The following RHBDF2 variants were observed in gnomAD, a reference collection of about 807,000 sequenced individuals.
RHBDF2 encodes the protein inactive rhomboid protein 2.
RHBDF2 carries 38 observed loss-of-function variants against 95.2 expected under a neutral mutation model. That is an observed-to-expected ratio of 0.40 (90% CI 0.31 to 0.52). The LOEUF (loss-of-function observed/expected upper bound fraction) is 0.52. Ranked by LOEUF, RHBDF2 falls within the 20% of genes least tolerant of loss-of-function variation. RHBDF2 has a pLI of 0.56. For synonymous variants in RHBDF2, 442 were observed against 462.0 expected, an observed-to-expected ratio of 0.96 and a Z score of 0.55; for missense variants, 863 against 1,137.7, an observed-to-expected ratio of 0.76 and a Z score of 3.47.
rs763823463 is a variant in RHBDF2, at chr17:76,498,823, T to TGTGTGTGTGTGTGA, written c.-220+2529_-220+2530insTCACACACACACAC. ...GTGTGTGTGTGTGTGTGTGTGTGTGTGAGTCTGTGTGTGTCTGTGTGTTTG... is the reference window on the plus strand; with the variant it reads ...GTGTGTGTGTGTGTGTGTGTGTGTGTGTGTGTGTGTGTGAGAGTCTGTGTGTGTCTGTGTGTTTG... On this transcript the variant is annotated intron_variant, in intron 1 of 18. Transcript: ENST00000675367. Among the ~76,000 whole-genome samples the TGTGTGTGTGTGTGA allele has an allele frequency of 1.4e-4, 20 of 141,212 alleles. No homozygotes were observed. The East Asian group carries it at 1.5e-3, about 11-fold the overall frequency. 92.6% of individuals were successfully genotyped at this position (141,212 alleles called of 152,430 possible). A position where few individuals can be genotyped will look rare whatever the true frequency, so the allele number is the denominator to read the frequency against.
chr17:76,477,686 C>T lies in RHBDF2; in HGVS notation c.772G>A (p.Asp258Asn). 6.2e-7 allele frequency: 1 copy of T among 1,614,150 alleles called. No homozygotes were observed. The highest frequency in any genetic ancestry group is 8.5e-7 in the Non-Finnish European group (1 of 1,180,018). The change falls in exon 7 of 19, where the codon GAC becomes AAC. Residue 258 changes from aspartate to asparagine, a missense_variant. Asp to Asn is a conservative substitution (Grantham distance 23). This residue lies in a region of RHBDF2 where 611 missense variants were observed against 725.5 expected (regional missense o/e 0.84). Coordinates refer to ENST00000675367, the MANE Select transcript of RHBDF2 (RefSeq NM_001005498.4). ...FLEEDVVDGA[D>N]TFDSSFFSKE... ...CTAAAAAAGGAGGAGTCAAACGTGT[C>T]TGCCCCATCGACCACATCCTCCTCC...
At chr17:76,484,670 C>T (rs1323683430) in intron 2 of RHBDF2, among the ~76,000 whole-genome samples, 1 of 152,148 alleles carries the variant, frequency 6.6e-6, no homozygotes, top group African/African-American at 2.4e-5. Flanking sequence ...AACTCTCTCC[C>T]AGGATTTCCT....
intron 18 of RHBDF2, 32 bp from the exon 19 acceptor site, chr17:76,472,084 G>T: frequency 6.6e-7 from 1 of 1,525,608 alleles, no homozygotes; most frequent in Non-Finnish European, 8.8e-7. Context: ...GTGGCTTCAG[G>T]CATCAGGTGG....
At chr17:76,498,763 C>T (rs903485425) in intron 1 of RHBDF2, among the ~76,000 whole-genome samples, 1 of 149,828 alleles carries the variant, frequency 6.7e-6, no homozygotes, top group Non-Finnish European at 1.5e-5. Context: ...GAACAAAAGT[C>T]CCCCTCCTGG....
chr17:76,500,681 G>A (rs1345583885), intron 1 of RHBDF2, among the ~76,000 whole-genome samples: 3 of 152,176 alleles, frequency 2.0e-5, no homozygotes, highest in Non-Finnish European at 4.4e-5. Flanking sequence ...GGAGTGGGGC[G>A]GGGTCTGTAC....
At chr17:76,482,002 C>CA (rs1490339576) in intron 2 of RHBDF2, 1 of 40,222 alleles carries the variant, frequency 2.5e-5, no homozygotes, top group African/African-American at 7.1e-5. Context: ...CACACACACA[C>CA]AAAACCAAAA....
intron 1 of RHBDF2, among the ~76,000 whole-genome samples, chr17:76,493,609 G>A (rs1242011771): frequency 6.6e-6 from 1 of 152,156 alleles, no homozygotes; most frequent in East Asian, 1.9e-4. Context: ...GGGGAGAGGG[G>A]GCTGGGGACT....
Position 76,473,813 on chromosome 17 carries a change from G to A in RHBDF2, c.1638+26C>T, listed in dbSNP as rs776042777. ...AGGTCCCCCATCCCTGACCTTCCCA[G>A]ACCACTCCCCGCCAGGGACACTCAC... On this transcript the variant is annotated intron_variant, in intron 14 of 18. Transcript: ENST00000675367. 32 of 1,613,726 alleles carry A rather than the reference G, an allele frequency of 2.0e-5. 1 individual carries two copies. The South Asian group carries it at 3.5e-4, about 18-fold the overall frequency.
chr17:76,473,453 C>T (rs1423136527), intron 15 of RHBDF2, 126 bp from the exon 16 acceptor site: 3 of 1,011,736 alleles, frequency 3.0e-6, no homozygotes, highest in East Asian at 2.6e-5. Context: ...GCATCCAGAA[C>T]CTTCGACTCT....
intron 1 of RHBDF2, among the ~76,000 whole-genome samples, chr17:76,493,773 G>A (rs1013348092): frequency 3.3e-5 from 5 of 152,236 alleles, no homozygotes; most frequent in African/African-American, 4.8e-5. Context: ...TCAGCCCACA[G>A]CTGCTGATGG....
At chr17:76,498,949 TGGGTGGGGCCTGA>T (rs907932632) in intron 1 of RHBDF2, among the ~76,000 whole-genome samples, 1 of 151,646 alleles carries the variant, frequency 6.6e-6, no homozygotes, top group Admixed American at 6.6e-5. Context: ...GTGGGGCTCT[TGGGTGGGGCCTGA>T]GGGTGGGCAA....
intron 1 of RHBDF2, among the ~76,000 whole-genome samples, chr17:76,497,618 C>T (rs2074459923): frequency 6.6e-6 from 1 of 152,242 alleles, no homozygotes; most frequent in Non-Finnish European, 1.5e-5. Flanking sequence ...CACGATGGCT[C>T]CCCGCACTGC....
intron 2 of RHBDF2, among the ~76,000 whole-genome samples, chr17:76,482,664 T>G (rs576563251): frequency 6.6e-6 from 1 of 152,078 alleles, no homozygotes; most frequent in African/African-American, 2.4e-5. Context: ...TCCCAGCTAC[T>G]TGGGAGGCTG....
At chr17:76,476,617 G>C in intron 9 of RHBDF2, 1 of 623,628 alleles carries the variant, frequency 1.6e-6, no homozygotes, top group South Asian at 2.3e-5. Context: ...AGAAAGCATG[G>C]GGTGGAAGAG....
At position 76,473,060 on chromosome 17, in the gene RHBDF2, G is replaced by A. The variant is rs2073639111; in HGVS notation, c.1855C>T (p.Pro619Ser). 1.2e-6 allele frequency: 2 copies of A among 1,614,028 alleles called. No homozygotes were observed. The change falls in exon 17 of 19, where the codon CCT becomes TCT. Residue 619 changes from proline to serine, a missense_variant. Physicochemically the swap from Pro to Ser is moderately conservative, Grantham distance 74. Around this residue, in one of 2 missense-constraint regions of RHBDF2, gnomAD observed 252 missense variants for 412.2 expected, o/e 0.61. Transcript: ENST00000675367. ...KVCGLLPFLN[P>S]EVPDQFYRLW... ...CTGTAGAACTGATCTGGGACCTCAG[G>A]GTTGAGGAAGGGCAGCAGCCCACAC...
In RHBDF2 at chr17:76,473,762, G is replaced by A. The variant is rs371842028; in HGVS notation, c.1639-20C>T. The stretch of plus-strand genomic sequence containing the variant: ...GCAGATCTGCCAGGAGGGGGCACCG[G>A]CAGGGAAGTGGGCTGTGCAGCAGGC... On this transcript the variant is annotated intron_variant, in intron 14 of 18. Coordinates refer to ENST00000675367, the MANE Select transcript of RHBDF2 (RefSeq NM_001005498.4). 1.9e-6 allele frequency: 3 copies of A among 1,611,026 alleles called. No individual in the cohort carries two copies. Among genetic ancestry groups the A allele is most frequent in the Non-Finnish European group, 2.5e-6 (3 of 1,178,450 alleles).
chr17:76,479,433 G>A, intron 4 of RHBDF2, 156 bp from the exon 5 acceptor site: 1 of 1,109,156 alleles, frequency 9.0e-7, no homozygotes, highest in Non-Finnish European at 1.3e-6. Flanking sequence ...CCAGTGACCA[G>A]ATGAGCAGAA....
At chr17:76,485,424 A>AT (rs1555617786) in intron 2 of RHBDF2, among the ~76,000 whole-genome samples, 1 of 150,704 alleles carries the variant, frequency 6.6e-6, no homozygotes, top group Non-Finnish European at 1.5e-5. Context: ...AAAAAAAAAA[A>AT]AAAAAAAAAG....
chr17:76,493,456 G>A (rs1210107495), intron 1 of RHBDF2, among the ~76,000 whole-genome samples: 1 of 152,198 alleles, frequency 6.6e-6, no homozygotes, highest in East Asian at 1.9e-4. Flanking sequence ...AGAGGTAGAA[G>A]GGGCAAGAGT....
Sources: allele counts gnomAD v4.1 joint callset (sites outside exome capture counted in the v4.1 genomes callset), GRCh38; gene constraint gnomAD v4.1.1; regional missense constraint gnomAD v4.1.1; transcripts MANE v1.5; gene names NCBI Gene and HGNC (gene_info 2026-07-23, HGNC 2026-07-21).